COL19A1: variants seen among roughly 807,000 people sequenced by gnomAD.
COL19A1 encodes the protein collagen alpha-1(XIX) chain.
A neutral mutation model predicts 190.2 loss-of-function variants in COL19A1; 159 were observed. The observed-to-expected ratio is 0.84, with a 90% CI of 0.73 to 0.95. The LOEUF (loss-of-function observed/expected upper bound fraction) is 0.95. Among genes scored for constraint, COL19A1 ranks in the 40% least tolerant of loss-of-function variants. The pLI, the probability that COL19A1 is intolerant of heterozygous loss-of-function variation, is 0.00. For missense variants in COL19A1, 1,418 were observed against 1,431.9 expected, an observed-to-expected ratio of 0.99 and a Z score of 0.16; for synonymous variants, 509 against 458.9, an observed-to-expected ratio of 1.11 and a Z score of -1.39.
intron 9 of COL19A1, among the ~76,000 whole-genome samples, chr6:69,941,755 C>G (rs1040331659): frequency 3.3e-5 from 5 of 149,900 alleles, no homozygotes; most frequent in African/African-American, 1.2e-4. Flanking sequence ...ATGGTGCAAT[C>G]CCTGTTCCCT....
Position 70,190,341 on chromosome 6 carries a change from A to C in COL19A1, c.3054A>C (p.Ile1018=), listed in dbSNP as rs147079626. The C allele has an allele frequency of 1.9e-6, 3 of 1,607,034 alleles. No homozygotes were observed. The African/African-American group carries it at 4.0e-5, about 21-fold the overall frequency. ...IPADAVSFEE[I]KKYINQEVLR... is the part of the protein sequence containing the mutation. The stretch of plus-strand genomic sequence containing the variant: ...CTGATGCAGTTTCATTTGAAGAAAT[A>C]AAGAAGTATATTAATCAAGAGGTCC... The change falls in exon 48 of 51, where the codon ATA becomes ATC. Residue 1018 remains isoleucine, a synonymous_variant. Coordinates refer to ENST00000620364, the MANE Select transcript of COL19A1 (RefSeq NM_001858.6).
Position 69,930,163 on chromosome 6 carries a change from G to A in COL19A1, c.666+463G>A, listed in dbSNP as rs370677130. 4.6e-5 allele frequency among the ~76,000 whole-genome samples: 7 copies of A among 152,004 alleles called. No individual in the cohort carries two copies. In the South Asian group the frequency reaches 1.0e-3, roughly 23 times the overall value. ...GTATTGCAGACTATTTTTTATAAGC[G>A]TATAATGGTTTTTCAGGGTTCTATT... On this transcript the variant is annotated intron_variant, in intron 6 of 50. Coordinates refer to ENST00000620364, the MANE Select transcript of COL19A1 (RefSeq NM_001858.6).
intron 12 of COL19A1, among the ~76,000 whole-genome samples, chr6:70,033,595 T>C (rs921906740): frequency 6.6e-6 from 1 of 152,166 alleles, no homozygotes; most frequent in African/African-American, 2.4e-5. Flanking sequence ...ATCAACTAAA[T>C]ACCCATTAAA....
chr6:70,065,349 A>C (rs570410036), intron 14 of COL19A1, among the ~76,000 whole-genome samples: 8 of 152,270 alleles, frequency 5.3e-5, no homozygotes, highest in South Asian at 2.1e-4. Context: ...CAAAAACAAG[A>C]AATGGGGAAA....
At chr6:69,870,569 G>A (rs965132599) in intron 1 of COL19A1, among the ~76,000 whole-genome samples, 3 of 152,202 alleles carry the variant, frequency 2.0e-5, no homozygotes, top group Non-Finnish European at 4.4e-5. Context: ...AGAGTGTTTG[G>A]AAGGAGGTAG....
At chr6:70,085,090 T>C (rs1479166420) in intron 15 of COL19A1, among the ~76,000 whole-genome samples, 2 of 152,254 alleles carry the variant, frequency 1.3e-5, no homozygotes, top group Admixed American at 1.3e-4. Flanking sequence ...CAATAATTGC[T>C]AATTATTATA....
chr6:70,189,599 A>G (rs1766730339), intron 47 of COL19A1, among the ~76,000 whole-genome samples: 1 of 152,252 alleles, frequency 6.6e-6, no homozygotes, highest in African/African-American at 2.4e-5. Flanking sequence ...CTTTAAAAAT[A>G]TCAAGGCACT....
chr6:69,968,412 A>T (rs2150052442), intron 11 of COL19A1, among the ~76,000 whole-genome samples: 1 of 152,220 alleles, frequency 6.6e-6, no homozygotes, highest in South Asian at 2.1e-4. Context: ...ATTTGGTAGC[A>T]TTTTGTTCAT....
chr6:70,126,333 C>A (rs181238746), intron 17 of COL19A1, among the ~76,000 whole-genome samples: 2 of 152,192 alleles, frequency 1.3e-5, no homozygotes, highest in African/African-American at 4.8e-5. Context: ...GTGTAGGCTC[C>A]CTTGGAGACA....
chr6:69,873,620 G>A (rs892315370), intron 1 of COL19A1, among the ~76,000 whole-genome samples: 19 of 152,190 alleles, frequency 1.2e-4, no homozygotes, highest in African/African-American at 4.6e-4. Flanking sequence ...TTTTATGAGT[G>A]TTATTAGCTT....
chr6:70,139,652 G>A (rs550637309), intron 19 of COL19A1, among the ~76,000 whole-genome samples: 19 of 152,160 alleles, frequency 1.2e-4, no homozygotes, highest in African/African-American at 4.3e-4. Context: ...CCAAACAGAA[G>A]AGTAGTATTC....
At chr6:70,074,011 A>G (rs1252254292) in intron 15 of COL19A1, among the ~76,000 whole-genome samples, 3 of 152,216 alleles carry the variant, frequency 2.0e-5, no homozygotes, top group African/African-American at 7.2e-5. Context: ...CATTGCTTCT[A>G]TGAAATCAAC....
At chr6:70,191,881 G>A (rs58673424) in intron 48 of COL19A1, among the ~76,000 whole-genome samples, 34,173 of 152,044 alleles carry the variant, frequency 0.22, 4,020 homozygotes, top group Non-Finnish European at 0.26. Flanking sequence ...ACGGACTCAG[G>A]TCTTCTCCAA....
At chr6:70,030,920 C>T (rs1356359191) in intron 12 of COL19A1, among the ~76,000 whole-genome samples, 5 of 152,160 alleles carry the variant, frequency 3.3e-5, no homozygotes, top group Non-Finnish European at 5.9e-5. Context: ...CTGTCATAGC[C>T]CCTTTTATGC....
intron 11 of COL19A1, among the ~76,000 whole-genome samples, chr6:69,978,791 A>G (rs1775870385): frequency 1.3e-5 from 2 of 151,742 alleles, no homozygotes; most frequent in South Asian, 2.1e-4. Context: ...CAAATCAAAC[A>G]CCTGATTTAA....
chr6:69,884,032 G>A (rs1168294412), intron 2 of COL19A1, among the ~76,000 whole-genome samples: 1 of 151,510 alleles, frequency 6.6e-6, no homozygotes, highest in African/African-American at 2.4e-5. Flanking sequence ...TATATGAATG[G>A]GTATAGAAAG....
chr6:69,947,124 G>A (rs532175800), intron 9 of COL19A1, among the ~76,000 whole-genome samples: 6 of 151,624 alleles, frequency 4.0e-5, no homozygotes, highest in Non-Finnish European at 8.8e-5. Flanking sequence ...TTAGCCCCAG[G>A]GCTTCTCAAA....
At chr6:70,143,497 T>C (rs113335064) in intron 23 of COL19A1, among the ~76,000 whole-genome samples, 4 of 152,124 alleles carry the variant, frequency 2.6e-5, no homozygotes, top group African/African-American at 9.7e-5. Flanking sequence ...CTGATCACTA[T>C]CTGACTATGA....
chr6:70,082,988 C>T (rs985381086), intron 15 of COL19A1, among the ~76,000 whole-genome samples: 1 of 152,160 alleles, frequency 6.6e-6, no homozygotes, highest in African/African-American at 2.4e-5. Flanking sequence ...TGCGGTAATG[C>T]TCGCCCGCCA....
Sources: gnomAD v4.1 joint callset for allele counts (sites outside exome capture counted in the v4.1 genomes callset) on GRCh38, gnomAD v4.1.1 for gene constraint, MANE v1.5 for transcripts, NCBI Gene and HGNC (gene_info 2026-07-23, HGNC 2026-07-21) for gene names.